Variants in GAR1 observed in about 807,000 individuals in gnomAD.
GAR1 encodes the protein GAR1 ribonucleoprotein, also known as H/ACA ribonucleoprotein complex subunit 1.
A neutral mutation model predicts 29.3 loss-of-function variants in GAR1; 11 were observed. That is an observed-to-expected ratio of 0.38 (90% CI 0.24 to 0.62). The LOEUF is 0.62. Ranked by LOEUF, GAR1 falls within the 20% of genes least tolerant of loss-of-function variation. The probability of loss-of-function intolerance (pLI) is 0.62; values close to 1 mark genes in which losing one functional copy is unlikely to be tolerated. For missense variants in GAR1, 237 were observed against 268.4 expected (o/e 0.88, Z 0.82); for synonymous variants, 87 against 93.3 (o/e 0.93, Z 0.39).
chr4:109,822,466 T>C lies in GAR1; in HGVS notation c.549T>C (p.Gly183=), dbSNP rs768091531. 1 of 1,601,806 alleles carries C rather than the reference T, an allele frequency of 6.2e-7. No individual in the cohort carries two copies. The change falls in exon 5 of 7, where the codon GGT becomes GGC. Residue 183 remains glycine (G), a synonymous_variant. Transcript: ENST00000226796. ...GCCGAGGAGGAGGAAGAGGAGGAGG[T>C]GGCAGAGGTGGTGGCAGAGGCGGTA... The part of the protein sequence containing the change: ...RGGRGGGRGG[G]GRGGGRGGGF...
In GAR1 at chr4:109,820,268, T is replaced by C. The variant is rs555607146; in HGVS notation, c.429+1208T>C. On this transcript the variant is annotated intron_variant, in intron 4 of 6. Coordinates refer to ENST00000226796, the MANE Select transcript of GAR1 (RefSeq NM_018983.4). ...ATCACCATCTTTCAGATGTCTGACA[T>C]CAACATCTTTGTGGGTGATGGTACC... Among the ~76,000 whole-genome samples, 115 of 152,210 alleles carry C rather than the reference T, an allele frequency of 7.6e-4. 2 individuals are homozygous for C. The highest frequency in any genetic ancestry group is 5.0e-3 in the Admixed American group (77 of 15,296).
At chr4:109,824,346 T>G in intron 6 of GAR1, 72 bp from the exon 7 acceptor site, 120 of 1,034,082 alleles carry the variant, frequency 1.2e-4, no homozygotes, top group Non-Finnish European at 1.7e-4. Flanking sequence ...ATTTTAAACT[T>G]GAGATTTAGG....
Position 109,816,381 on chromosome 4 carries a change from A to C in GAR1, c.214+3A>C, listed in dbSNP as rs1449657347. The C allele has an allele frequency of 1.2e-6, 2 of 1,613,092 alleles. No homozygotes were observed. The highest frequency in any genetic ancestry group is 2.7e-5 in the African/African-American group (2 of 74,874). On this transcript the variant is annotated splice_donor_region_variant and intron_variant, in intron 2 of 6. Transcript: ENST00000226796. ...AGGACCTCCAGAACGTGTAGTCTGT[A>C]TGCAGTCTTCAGTATTTAGCTTATT...
chr4:109,820,651 C>T (rs903594488), intron 4 of GAR1, among the ~76,000 whole-genome samples: 1 of 151,832 alleles, frequency 6.6e-6, no homozygotes, highest in African/African-American at 2.4e-5. Context: ...GGAGGGACTG[C>T]TCAGCTATGG....
In GAR1 at chr4:109,819,581, C is replaced by G. The variant is rs78840945; in HGVS notation, c.429+521C>G. ...TTGTTGACTAACAGTGATTTCCACA[C>G]CTGGTTGCATGTCAGAGTTATCTTG... On this transcript the variant is annotated intron_variant, in intron 4 of 6. Transcript: ENST00000226796. The G allele has an allele frequency of 8.1e-3, 1,249 of 153,414 alleles. 11 individuals carry two copies. The highest frequency in any genetic ancestry group is 0.014 in the Non-Finnish European group (970 of 68,932). The allele number at this position is 153,414 out of a possible 1,614,324, so 9.5% of individuals were successfully genotyped here.
At chr4:109,824,242 T>C (rs1733593868) in intron 6 of GAR1, among the ~76,000 whole-genome samples, 176 bp from the exon 7 acceptor site, 1 of 152,160 alleles carries the variant, frequency 6.6e-6, no homozygotes, top group Non-Finnish European at 1.5e-5. Context: ...TAATTTGTTT[T>C]GCTTTATTAT....
At position 109,818,237 on chromosome 4, in the gene GAR1, G is replaced by A. The variant is rs1018501117; in HGVS notation, c.369+147G>A. The A allele has an allele frequency of 2.2e-5, 14 of 625,222 alleles. No individual in the cohort carries two copies. The African/African-American group carries it at 2.6e-4, about 12-fold the overall frequency. The allele number at this position is 625,222 out of a possible 1,614,324, so 38.7% of individuals were successfully genotyped here. The stretch of plus-strand genomic sequence containing the variant: ...TTGGACCATGAAGGAGAATCAAGGG[G>A]AGAATGTATTCATCCATAGATATTA... On this transcript the variant is annotated intron_variant, in intron 3 of 6. Coordinates refer to ENST00000226796, the MANE Select transcript of GAR1 (RefSeq NM_018983.4).
Position 109,823,983 on chromosome 4 carries a change from G to A in GAR1, c.590G>A (p.Arg197Lys). The change falls in exon 6 of 7, where the codon AGA becomes AAA. Residue 197 changes from arginine (R) to lysine (K), a missense_variant. Physicochemically the swap from Arg to Lys is conservative, Grantham distance 26 (BLOSUM62 2). Coordinates refer to ENST00000226796, the MANE Select transcript of GAR1 (RefSeq NM_018983.4). ...TTTTTAGGTGGTTTTAGAGGTGGAA[G>A]AGGAGGTGGAGGTGGGGGCTTCAGA... The part of the protein sequence containing the change: ...GGRGGGFRGG[R>K]GGGGGGFRGG... 1.2e-6 allele frequency: 2 copies of A among 1,605,960 alleles called. No homozygotes were observed. Among genetic ancestry groups the A allele is most frequent in the South Asian group, 2.2e-5 (2 of 90,192 alleles).
intron 4 of GAR1, among the ~76,000 whole-genome samples, chr4:109,820,754 A>T (rs1362304771): frequency 1.3e-5 from 2 of 152,084 alleles, no homozygotes; most frequent in Non-Finnish European, 2.9e-5. Flanking sequence ...GCCAGAATGG[A>T]TTAGGAAATG....
intron 4 of GAR1, chr4:109,819,348 C>A: frequency 2.6e-6 from 1 of 387,678 alleles, no homozygotes; most frequent in Non-Finnish European, 4.6e-6. Context: ...GAAAAGCTTT[C>A]ATGACCAAAC....
chr4:109,823,101 C>T (rs576049603), intron 5 of GAR1, among the ~76,000 whole-genome samples: 45 of 152,144 alleles, frequency 3.0e-4, no homozygotes, highest in African/African-American at 1.0e-3. Flanking sequence ...GTATGCCTTT[C>T]CCCTAAGGTT....
At chr4:109,817,516 A>G (rs556153247) in intron 2 of GAR1, among the ~76,000 whole-genome samples, 90 of 152,308 alleles carry the variant, frequency 5.9e-4, no homozygotes, top group African/African-American at 1.9e-3. Context: ...ATTGAAGAAA[A>G]GGGAGAACCA....
intron 2 of GAR1, among the ~76,000 whole-genome samples, chr4:109,817,459 C>T (rs1733384229): frequency 6.7e-6 from 1 of 150,066 alleles, no homozygotes; most frequent in Non-Finnish European, 1.5e-5. Context: ...TGGAAAAGTT[C>T]TAAGGCAAGA....
Position 109,816,372 on chromosome 4 carries a change from G to A in GAR1, c.208G>A (p.Val70Ile), listed in dbSNP as rs1210393525. ...KGQDQGPPER[V>I]VLLGEFLHPC... ...CCAAGACCAAGGACCTCCAGAACGT[G>A]TAGTCTGTATGCAGTCTTCAGTATT... The change falls in exon 2 of 7, where the codon GTA (valine) becomes ATA (isoleucine). Residue 70 changes from valine (V) to isoleucine (I), a missense_variant. Val to Ile is a conservative substitution (Grantham distance 29, BLOSUM62 3). Coordinates refer to ENST00000226796, the MANE Select transcript of GAR1 (RefSeq NM_018983.4). 2.1e-5 allele frequency: 34 copies of A among 1,613,672 alleles called. No homozygotes were observed. The highest frequency in any genetic ancestry group is 2.9e-5 in the Non-Finnish European group (34 of 1,179,852).
intron 1 of GAR1, 41 bp from the exon 2 acceptor site, chr4:109,816,112 C>CACTCAGAGTA (rs1733341367): frequency 1.9e-6 from 3 of 1,569,064 alleles, no homozygotes; most frequent in Admixed American, 1.7e-5. Flanking sequence ...TACTCAGAGG[C>CACTCAGAGTA]TACAGTGATC....
intron 1 of GAR1, 103 bp from the exon 2 acceptor site, chr4:109,816,050 T>A (rs2125888021): frequency 1.8e-6 from 2 of 1,112,078 alleles, no homozygotes; most frequent in Non-Finnish European, 2.7e-6. Flanking sequence ...GTGACAGGGC[T>A]GCTTTTGTCT....
intron 2 of GAR1, among the ~76,000 whole-genome samples, chr4:109,816,765 G>A (rs568285128): frequency 1.3e-5 from 2 of 152,274 alleles, no homozygotes; most frequent in Admixed American, 1.3e-4. Flanking sequence ...AAGCTAAGAC[G>A]GGAGGATCTT....
At position 109,824,459 on chromosome 4, in the gene GAR1, T is replaced by C. The variant is rs746893618; in HGVS notation, c.*28T>C. 1.9e-5 allele frequency: 29 copies of C among 1,546,496 alleles called. No homozygotes were observed. Among genetic ancestry groups the C allele is most frequent in the Middle Eastern group, 1.8e-4 (1 of 5,440 alleles). ...GAAACAGTTGACAGACATCACCAGT[T>C]GACTTCTGCATTAACCTGCATGATC... On this transcript the variant is annotated 3_prime_UTR_variant, in exon 7 of 7. Transcript: ENST00000226796.
chr4:109,820,646 G>A, intron 4 of GAR1, among the ~76,000 whole-genome samples: 1 of 152,070 alleles, frequency 6.6e-6, no homozygotes, highest in Middle Eastern at 3.2e-3. Context: ...TTCCAGGAGG[G>A]ACTGCTCAGC....
Sources: allele counts gnomAD v4.1 joint callset (sites outside exome capture counted in the v4.1 genomes callset), GRCh38; gene constraint gnomAD v4.1.1; transcripts MANE v1.5; gene names NCBI Gene and HGNC (gene_info 2026-07-23, HGNC 2026-07-21).